The following GLG1 variants were observed in gnomAD, a reference collection of about 807,000 sequenced individuals.
GLG1 encodes Golgi apparatus protein 1.
Under a neutral mutation model 160.5 loss-of-function variants are expected in GLG1, and 38 were observed. The ratio of observed to expected loss-of-function variants is 0.24; its 90% confidence interval spans 0.18 to 0.31. The LOEUF (loss-of-function observed/expected upper bound fraction) is 0.31. Ranked by LOEUF, GLG1 falls within the 10% of genes least tolerant of loss-of-function variation. GLG1 has a pLI of 1.00. For missense variants in GLG1, 1,373 were observed against 1,505.2 expected, an observed-to-expected ratio of 0.91 and a Z score of 1.45; for synonymous variants, 644 against 543.4, an observed-to-expected ratio of 1.19 and a Z score of -2.57.
intron 16 of GLG1, 97 bp downstream of exon 16, chr16:74,469,888 A>G: frequency 1.2e-6 from 1 of 810,388 alleles, no homozygotes; most frequent in Non-Finnish European, 2.2e-6. Flanking sequence ...GGCTAACCCC[A>G]CGAGGCAGCA....
intron 25 of GLG1, among the ~76,000 whole-genome samples, chr16:74,454,666 C>CAAAAAAAAAAAAA (rs58759187): frequency 2.6e-5 from 1 of 38,532 alleles, no homozygotes; most frequent in South Asian, 1.4e-3. Flanking sequence ...AATCCGTCCC[C>CAAAAAAAAAAAAA]AAAAAAAAAA....
rs1431655092 is a variant in GLG1, at chr16:74,453,110, A to G, written c.*57T>C. On this transcript the variant is annotated 3_prime_UTR_variant, in exon 26 of 26. Transcript: ENST00000422840. ...GCGAGGTGAGTGGGGATGCTATACA[A>G]GAGGGCTGTACAAACTGGGCACTGG... 20 of 1,587,584 alleles carry G rather than the reference A, an allele frequency of 1.3e-5. No homozygotes were observed. Among genetic ancestry groups the G allele is most frequent in the Non-Finnish European group, 1.6e-5 (19 of 1,167,042 alleles).
intron 19 of GLG1, 120 bp downstream of exon 19, chr16:74,465,556 G>C: frequency 1.0e-6 from 1 of 969,388 alleles, no homozygotes; most frequent in Non-Finnish European, 1.6e-6. Context: ...GGGTGCTGCT[G>C]CTGCTGCTCG....
At chr16:74,514,689 C>A (rs1044779829) in intron 2 of GLG1, among the ~76,000 whole-genome samples, 7 of 152,106 alleles carry the variant, frequency 4.6e-5, no homozygotes, top group Non-Finnish European at 8.8e-5. Flanking sequence ...CAAAAACATG[C>A]CAAATTGTAA....
At chr16:74,600,731 C>CA (rs56122377) in intron 1 of GLG1, among the ~76,000 whole-genome samples, 1,361 of 112,300 alleles carry the variant, frequency 0.012, 8 homozygotes, top group African/African-American at 0.016. Flanking sequence ...GATTCCACCT[C>CA]AAAAAAAAAA....
chr16:74,480,418 T>C (rs2015556785), intron 10 of GLG1, 24 bp from the exon 11 acceptor site: 2 of 1,566,270 alleles, frequency 1.3e-6, no homozygotes, highest in Non-Finnish European at 1.7e-6. Flanking sequence ...AGTTAAAAGA[T>C]AACCACTAAT....
At chr16:74,500,098 T>C (rs922748982) in intron 4 of GLG1, among the ~76,000 whole-genome samples, 5 of 152,302 alleles carry the variant, frequency 3.3e-5, no homozygotes, top group Admixed American at 3.3e-4. Context: ...AATAAGGGTA[T>C]TTCAGGAGTT....
At chr16:74,462,401 G>T in intron 21 of GLG1, 87 bp downstream of exon 21, 1 of 1,287,176 alleles carries the variant, frequency 7.8e-7, no homozygotes, top group South Asian at 1.3e-5. Context: ...TGGGAAAACG[G>T]GAGCAAGCTA....
intron 9 of GLG1, among the ~76,000 whole-genome samples, chr16:74,483,550 C>T (rs2015681390): frequency 6.6e-6 from 1 of 152,098 alleles, no homozygotes; most frequent in Non-Finnish European, 1.5e-5. Flanking sequence ...CAGCATGTTT[C>T]TTTAAAATAT....
rs1452575176 is a variant in GLG1 at position 74,450,880 on chromosome 16, C to G, written c.*2287G>C. On this transcript the variant is annotated 3_prime_UTR_variant, in exon 26 of 26. Coordinates refer to ENST00000422840, the MANE Select transcript of GLG1 (RefSeq NM_001145667.2). ...AAAAAAAAGACAGATGTTTCAAGAA[C>G]CAAATTCCTCATCAAACTTCCAAAT... 3 of 150,720 alleles carry G rather than the reference C, an allele frequency of 2.0e-5. No individual in the cohort carries two copies. The highest frequency in any genetic ancestry group is 4.4e-5 in the Non-Finnish European group (3 of 67,822). The allele number at this position is 150,720 out of a possible 1,614,324, so 9.3% of individuals were successfully genotyped here.
chr16:74,532,130 G>C lies in GLG1; in HGVS notation c.462C>G (p.Asp154Glu). ...GAAAATCCATACTTACATGATTGCA[G>C]TCTGAAGAAATTTCATTTTCAGGCT... Reference protein sequence around the residue: ...VREPENEISSDCNHLLWNYKL... With the variant: ...VREPENEISSECNHLLWNYKL... The change falls in exon 2 of 26, where the codon GAC (aspartate) becomes GAG (glutamate). Residue 154 changes from aspartate to glutamate, a missense_variant. By Grantham distance (45) the Asp-to-Glu change is conservative. This residue lies in a region of GLG1 where 322 missense variants were observed against 254.6 expected (regional missense o/e 1.26). Transcript: ENST00000422840. 7.2e-7 allele frequency: 1 copy of C among 1,382,494 alleles called. No homozygotes were observed. Among genetic ancestry groups the C allele is most frequent in the Non-Finnish European group, 9.6e-7 (1 of 1,036,538 alleles). The allele number at this position is 1,382,494 out of a possible 1,614,324, so 85.6% of individuals were successfully genotyped here. A position where few individuals can be genotyped will look rare whatever the true frequency, so the allele number is the denominator to read the frequency against.
At chr16:74,519,733 C>T (rs982987016) in intron 2 of GLG1, among the ~76,000 whole-genome samples, 5 of 152,066 alleles carry the variant, frequency 3.3e-5, no homozygotes, top group Admixed American at 1.3e-4. Context: ...TCCCCAGAAG[C>T]GGGCACTTTC....
At chr16:74,464,882 G>A (rs533294299) in intron 19 of GLG1, among the ~76,000 whole-genome samples, 2 of 151,840 alleles carry the variant, frequency 1.3e-5, no homozygotes, top group South Asian at 4.2e-4. Context: ...TTACTCTGTC[G>A]CTCAGGCTGG....
intron 1 of GLG1, among the ~76,000 whole-genome samples, chr16:74,543,253 G>A (rs1403471264): frequency 2.0e-5 from 3 of 152,206 alleles, no homozygotes; most frequent in Non-Finnish European, 4.4e-5. Context: ...TGAAAGATGC[G>A]TAGCTCAAAG....
In GLG1 at chr16:74,452,160, C is replaced by T; in HGVS notation, c.*1007G>A. 2 of 1,612,136 alleles carry T rather than the reference C, an allele frequency of 1.2e-6. No individual in the cohort carries two copies. The highest frequency in any genetic ancestry group is 1.7e-6 in the Non-Finnish European group (2 of 1,178,904). On this transcript the variant is annotated 3_prime_UTR_variant, in exon 26 of 26. Coordinates refer to ENST00000422840, the MANE Select transcript of GLG1 (RefSeq NM_001145667.2). The stretch of plus-strand genomic sequence containing the variant: ...AAAAATAAAGCAAAGTGAGTCAAAC[C>T]TCTGGCTCCCACTTCCTGACCCACT...
chr16:74,510,810 G>A (rs1419314133), intron 2 of GLG1, among the ~76,000 whole-genome samples: 1 of 152,178 alleles, frequency 6.6e-6, no homozygotes, highest in African/African-American at 2.4e-5. Context: ...ATGGCAGGGA[G>A]TATGATCAAG....
chr16:74,533,463 T>A (rs2143616801), intron 1 of GLG1, among the ~76,000 whole-genome samples: 1 of 152,212 alleles, frequency 6.6e-6, no homozygotes, highest in South Asian at 2.1e-4. Flanking sequence ...GAGACACAAC[T>A]GCAATAAAAC....
chr16:74,594,647 G>C (rs1229389736), intron 1 of GLG1, among the ~76,000 whole-genome samples: 1 of 152,172 alleles, frequency 6.6e-6, no homozygotes. Flanking sequence ...TCAGAGTATT[G>C]TTCTCAAGTG....
intron 1 of GLG1, among the ~76,000 whole-genome samples, chr16:74,561,118 C>G (rs923620505): frequency 1.3e-5 from 2 of 152,254 alleles, no homozygotes; most frequent in South Asian, 4.1e-4. Flanking sequence ...GGCCAACAGG[C>G]AGCAAGCCAG....
Sources: allele counts gnomAD v4.1 joint callset (sites outside exome capture counted in the v4.1 genomes callset), GRCh38; gene constraint gnomAD v4.1.1; regional missense constraint gnomAD v4.1.1; transcripts MANE v1.5; gene names NCBI Gene and HGNC (gene_info 2026-07-23, HGNC 2026-07-21).